The following CASK variants were observed in gnomAD, a reference collection of about 807,000 sequenced individuals.
CASK encodes the protein peripheral plasma membrane protein CASK.
A neutral mutation model predicts 82.9 loss-of-function variants in CASK; 4 were observed. That is an observed-to-expected ratio of 0.05 (90% CI 0.02 to 0.11). CASK has a LOEUF of 0.11. Among genes scored for constraint, CASK ranks in the 10% least tolerant of loss-of-function variants. The probability of loss-of-function intolerance (pLI) is 1.00; values close to 1 mark genes in which losing one functional copy is unlikely to be tolerated. For synonymous variants in CASK, 259 were observed against 253.5 expected, an observed-to-expected ratio of 1.02 and a Z score of -0.20; for missense variants, 358 against 720.9, an observed-to-expected ratio of 0.50 and a Z score of 5.76.
intron 11 of CASK, among the ~76,000 whole-genome samples, chrX:41,613,896 TATTTA>T (rs2066149568): frequency 8.9e-6 from 1 of 112,238 alleles, no homozygotes; most frequent in Non-Finnish European, 1.9e-5. Flanking sequence ...TTTGTAGCTC[TATTTA>T]ATTATGTTAA....
intron 3 of CASK, among the ~76,000 whole-genome samples, chrX:41,756,188 T>C (rs758733299): frequency 2.7e-5 from 3 of 111,959 alleles, no homozygotes; most frequent in Admixed American, 9.5e-5. Context: ...CAAAGCTCAG[T>C]AATTAAGTGT....
At chrX:41,798,769 AG>A (rs2069924933) in intron 2 of CASK, among the ~76,000 whole-genome samples, 1 of 112,410 alleles carries the variant, frequency 8.9e-6, no homozygotes, top group South Asian at 3.7e-4. Context: ...TGGGAGGCAG[AG>A]GGTGCAGTGA....
rs55642200 is a variant in CASK, at chrX:41,531,184, G to C, written c.2343C>G (p.Asp781Glu). ...IPHTTRPPKK[D>E]EENGKNYYFV... is the part of the protein sequence containing the mutation. Reference sequence around the variant, plus strand: ...AGTAATAATTCTTTCCATTTTCTTCGTCTTTCTTTGGAGGTCTGGTTGTAT... The same window carrying C: ...AGTAATAATTCTTTCCATTTTCTTCCTCTTTCTTTGGAGGTCTGGTTGTAT... The change falls in exon 25 of 27, where the codon GAC (aspartate) becomes GAG (glutamate). Residue 781 changes from aspartate (D) to glutamate (E), a missense_variant. Physicochemically the swap from Asp to Glu is conservative, Grantham distance 45 (BLOSUM62 2). This residue lies in a region of CASK where 118 missense variants were observed against 169.4 expected (regional missense o/e 0.70). Transcript: ENST00000378163. 4 of 1,209,814 alleles carry C rather than the reference G, an allele frequency of 3.3e-6. No individual in the cohort carries two copies. Among genetic ancestry groups the C allele is most frequent in the Middle Eastern group, 4.6e-4 (2 of 4,348 alleles).
At chrX:41,526,971 C>G (rs1039416671) in intron 25 of CASK, among the ~76,000 whole-genome samples, 1 of 111,091 alleles carries the variant, frequency 9.0e-6, no homozygotes, top group Non-Finnish European at 1.9e-5. Context: ...GTGGGTGCCA[C>G]TTTTGGTGCT....
intron 2 of CASK, chrX:41,790,313 C>T: frequency 1.4e-5 from 5 of 369,026 alleles, no homozygotes; most frequent in Non-Finnish European, 1.6e-5. Context: ...GTGATCCACC[C>T]TCCTCGGCCT....
intron 2 of CASK, among the ~76,000 whole-genome samples, chrX:41,822,324 G>A (rs765964027): frequency 9.1e-6 from 1 of 110,398 alleles, no homozygotes; most frequent in East Asian, 2.8e-4. Flanking sequence ...TTGGGAGGCC[G>A]AGGCGGGCGG....
At chrX:41,816,948 T>C (rs2070426074) in intron 2 of CASK, among the ~76,000 whole-genome samples, 1 of 111,752 alleles carries the variant, frequency 8.9e-6, no homozygotes, top group Non-Finnish European at 1.9e-5. Flanking sequence ...TCCCCCAAAA[T>C]TGAAAAGGAA....
chrX:41,834,218 A>C (rs1185117456), intron 2 of CASK, among the ~76,000 whole-genome samples: 3 of 111,638 alleles, frequency 2.7e-5, no homozygotes, highest in African/African-American at 9.8e-5. Flanking sequence ...GGCGCCCTGG[A>C]GATTTTGATA....
chrX:41,633,923 G>C (rs1340982405), intron 9 of CASK, among the ~76,000 whole-genome samples: 1 of 110,184 alleles, frequency 9.1e-6, no homozygotes, highest in Non-Finnish European at 1.9e-5. Context: ...CACCACACTT[G>C]GTTAATTTTT....
At chrX:41,578,267 T>C (rs775745616) in intron 15 of CASK, 73 bp downstream of exon 15, 40 of 752,131 alleles carry the variant, frequency 5.3e-5, no homozygotes, top group Non-Finnish European at 7.8e-5. Flanking sequence ...CCTAGTAGCA[T>C]AGGTTGAAGT....
chrX:41,793,612 C>T (rs774184609), intron 2 of CASK, among the ~76,000 whole-genome samples: 84 of 111,933 alleles, frequency 7.5e-4, no homozygotes, highest in Non-Finnish European at 1.1e-3. Flanking sequence ...AACAGTTAAA[C>T]AAAATTCGCT....
At chrX:41,698,961 C>G (rs2067742229) in intron 5 of CASK, among the ~76,000 whole-genome samples, 1 of 111,348 alleles carries the variant, frequency 9.0e-6, no homozygotes, top group Non-Finnish European at 1.9e-5. Flanking sequence ...GAGTCTCACT[C>G]TGTTGCCCAG....
chrX:41,632,948 C>G (rs188410804), intron 9 of CASK, among the ~76,000 whole-genome samples: 1 of 105,789 alleles, frequency 9.5e-6, no homozygotes, highest in Admixed American at 1.0e-4. Flanking sequence ...GAGGCTGAGG[C>G]AGGATAATCA....
intron 14 of CASK, chrX:41,584,899 G>A (rs2065634478): frequency 8.9e-6 from 1 of 112,777 alleles, no homozygotes; most frequent in Admixed American, 9.4e-5. Flanking sequence ...CACATTTGAG[G>A]ATTATTAATA....
intron 7 of CASK, among the ~76,000 whole-genome samples, chrX:41,663,270 C>CATCT (rs1424978513): frequency 2.2e-4 from 25 of 111,254 alleles, no homozygotes; most frequent in Non-Finnish European, 7.5e-5. Flanking sequence ...AGAAAAAGGC[C>CATCT]GAGATTCATC....
chrX:41,780,007 A>G (rs1019950316), intron 3 of CASK, among the ~76,000 whole-genome samples: 2 of 112,206 alleles, frequency 1.8e-5, no homozygotes, highest in Non-Finnish European at 3.8e-5. Context: ...AAATTATTTT[A>G]AAAGATACAC....
At chrX:41,674,613 GA>G (rs1444139852) in intron 5 of CASK, among the ~76,000 whole-genome samples, 1 of 111,189 alleles carries the variant, frequency 9.0e-6, no homozygotes, top group East Asian at 2.8e-4. Flanking sequence ...TCAGGGTGGG[GA>G]GGAAGAGAGG....
intron 14 of CASK, among the ~76,000 whole-genome samples, chrX:41,580,262 C>G (rs998546974): frequency 5.4e-5 from 6 of 112,090 alleles, no homozygotes; most frequent in African/African-American, 1.6e-4. Context: ...ATCACTGCAG[C>G]CTTGACCTCT....
intron 2 of CASK, among the ~76,000 whole-genome samples, chrX:41,822,606 CAGGCTTGCTTAGAAGTT>C (rs1455434371): frequency 9.5e-6 from 1 of 105,363 alleles, no homozygotes; most frequent in East Asian, 3.0e-4. Context: ...AAGAAAAATG[CAGGCTTGCTTAGAAGTT>C]AGGTAACTTT....
Sources: allele counts gnomAD v4.1 joint callset (sites outside exome capture counted in the v4.1 genomes callset), GRCh38; gene constraint gnomAD v4.1.1; regional missense constraint gnomAD v4.1.1; transcripts MANE v1.5; gene names NCBI Gene and HGNC (gene_info 2026-07-23, HGNC 2026-07-21).